R3HCC1L: variants seen among roughly 807,000 people sequenced by gnomAD.
R3HCC1L encodes the protein R3H domain and coiled-coil containing 1 like, also known as coiled-coil domain-containing protein R3HCC1L.
Under a neutral mutation model 59.9 loss-of-function variants are expected in R3HCC1L, and 51 were observed. The ratio of observed to expected loss-of-function variants is 0.85; its 90% CI spans 0.68 to 1.07. The LOEUF is 1.07. Ranked by LOEUF, R3HCC1L falls within the 50% of genes least tolerant of loss-of-function variation. R3HCC1L has a pLI of 0.00. For missense variants in R3HCC1L, 965 were observed against 933.0 expected, an observed-to-expected ratio of 1.03 and a Z score of -0.45; for synonymous variants, 322 against 315.2, an observed-to-expected ratio of 1.02 and a Z score of -0.23.
intron 1 of R3HCC1L, among the ~76,000 whole-genome samples, chr10:98,144,032 G>A (rs1462281902): frequency 6.6e-6 from 1 of 151,870 alleles, no homozygotes; most frequent in African/African-American, 2.4e-5. Context: ...ATAGTGGGTC[G>A]GGGCAGTGGC....
chr10:98,152,167 C>T (rs1468185026), intron 1 of R3HCC1L, among the ~76,000 whole-genome samples: 1 of 152,252 alleles, frequency 6.6e-6, no homozygotes, highest in Non-Finnish European at 1.5e-5. Context: ...GTTGGCCGGG[C>T]TGGTCTCCAG....
chr10:98,139,475 T>G (rs993956841), intron 1 of R3HCC1L, among the ~76,000 whole-genome samples: 1 of 152,236 alleles, frequency 6.6e-6, no homozygotes, highest in African/African-American at 2.4e-5. Flanking sequence ...AGGCTATTCA[T>G]GCCTTGAAAG....
chr10:98,188,264 G>C (rs1009118539), intron 4 of R3HCC1L, among the ~76,000 whole-genome samples: 2 of 152,200 alleles, frequency 1.3e-5, no homozygotes, highest in Admixed American at 6.5e-5. Context: ...TTGCTTTCAA[G>C]GAGTTGTAGG....
intron 5 of R3HCC1L, among the ~76,000 whole-genome samples, chr10:98,212,287 G>T (rs1347630427): frequency 6.6e-6 from 1 of 152,170 alleles, no homozygotes; most frequent in Non-Finnish European, 1.5e-5. Flanking sequence ...CAGAGTGAGT[G>T]CCTGCCTCCC....
At chr10:98,168,229 T>C (rs1308764848) in intron 4 of R3HCC1L, among the ~76,000 whole-genome samples, 1 of 152,224 alleles carries the variant, frequency 6.6e-6, no homozygotes, top group Non-Finnish European at 1.5e-5. Context: ...TTGCCATTGT[T>C]CGGTATATTA....
chr10:98,169,603 C>G (rs142876344), intron 4 of R3HCC1L, among the ~76,000 whole-genome samples: 1 of 152,296 alleles, frequency 6.6e-6, no homozygotes, highest in Middle Eastern at 3.4e-3. Flanking sequence ...CACAATTAGA[C>G]ATGGTTCATC....
At chr10:98,184,850 A>G (rs1382095143) in intron 4 of R3HCC1L, among the ~76,000 whole-genome samples, 1 of 152,132 alleles carries the variant, frequency 6.6e-6, no homozygotes, top group Non-Finnish European at 1.5e-5. Context: ...TAGTAATTAC[A>G]AAATTTTTTA....
chr10:98,208,872 C>G lies in R3HCC1L; in HGVS notation c.758C>G (p.Ser253Ter). 2 of 1,614,128 alleles carry G rather than the reference C, an allele frequency of 1.2e-6. No homozygotes were observed. Among genetic ancestry groups the G allele is most frequent in the Non-Finnish European group, 1.7e-6 (2 of 1,180,004 alleles). ...SEIVQQSMQTSDGILNPSSGG... is the reference protein window; with the variant it reads ...SEIVQQSMQT ...ATTGTACAACAAAGCATGCAAACAT[C>G]AGATGGAATATTGAATCCCAGCAGC... The change falls in exon 5 of 10, where the codon TCA (serine) becomes TGA (stop). Residue 253 changes from serine to a stop codon, truncating the protein, a stop_gained. Coordinates refer to ENST00000298999, the MANE Select transcript of R3HCC1L (RefSeq NM_001351015.2). LOFTEE classifies it high-confidence loss of function.
intron 5 of R3HCC1L, among the ~76,000 whole-genome samples, chr10:98,228,796 A>C (rs1006077971): frequency 1.2e-4 from 18 of 152,188 alleles, no homozygotes; most frequent in Non-Finnish European, 2.2e-4. Flanking sequence ...TCAGCTTTCT[A>C]CATATGGCCA....
intron 1 of R3HCC1L, among the ~76,000 whole-genome samples, chr10:98,146,629 CA>C (rs1845685171): frequency 6.6e-6 from 1 of 152,150 alleles, no homozygotes. Context: ...TATGTTGCTG[CA>C]AATGACAGGA....
chr10:98,151,798 T>C (rs1407870133), intron 1 of R3HCC1L, among the ~76,000 whole-genome samples: 3 of 152,160 alleles, frequency 2.0e-5, no homozygotes, highest in Non-Finnish European at 4.4e-5. Context: ...AAGGCACATA[T>C]GTTAGTGTAG....
chr10:98,164,260 A>G (rs935870513), intron 4 of R3HCC1L, among the ~76,000 whole-genome samples: 3 of 152,236 alleles, frequency 2.0e-5, no homozygotes, highest in African/African-American at 7.2e-5. Flanking sequence ...ACAGTGAGAA[A>G]TAAATGTTGA....
chr10:98,146,526 A>G (rs1011839053), intron 1 of R3HCC1L, among the ~76,000 whole-genome samples: 4 of 152,126 alleles, frequency 2.6e-5, no homozygotes, highest in African/African-American at 7.2e-5. Flanking sequence ...CAAGAGATCC[A>G]CTTTTCAGAT....
At chr10:98,200,524 C>T (rs1851915163) in intron 4 of R3HCC1L, among the ~76,000 whole-genome samples, 1 of 152,052 alleles carries the variant, frequency 6.6e-6, no homozygotes, top group Non-Finnish European at 1.5e-5. Flanking sequence ...GCTCAGTGTG[C>T]CTATAAGTCT....
intron 4 of R3HCC1L, among the ~76,000 whole-genome samples, chr10:98,201,401 A>G (rs1467644): frequency 0.19 from 28,436 of 152,218 alleles, 2,788 homozygotes; most frequent in Middle Eastern, 0.21. Flanking sequence ...TACCTCACTT[A>G]AGACATTTTA....
chr10:98,236,181 G>A lies in R3HCC1L; in HGVS notation c.2269+17G>A, dbSNP rs1050742166. The stretch of plus-strand genomic sequence containing the variant: ...AAGCCAGAGGTGAGCTGAAAGGGTG[G>A]TGTTCTTCTCTAGGCCCTTCAGAAC... On this transcript the variant is annotated intron_variant, in intron 9 of 9. Coordinates refer to ENST00000298999, the MANE Select transcript of R3HCC1L (RefSeq NM_001351015.2). The A allele has an allele frequency of 4.3e-6, 7 of 1,612,718 alleles. No individual in the cohort carries two copies. The highest frequency in any genetic ancestry group is 1.3e-5 in the African/African-American group (1 of 74,840).
intron 4 of R3HCC1L, chr10:98,174,506 G>A: frequency 1.2e-6 from 1 of 830,056 alleles, no homozygotes; most frequent in Non-Finnish European, 1.5e-6. Flanking sequence ...TAGAGTGTGA[G>A]ATGGCATTCA....
At chr10:98,168,031 A>G (rs1848126618) in intron 4 of R3HCC1L, among the ~76,000 whole-genome samples, 1 of 152,184 alleles carries the variant, frequency 6.6e-6, no homozygotes, top group South Asian at 2.1e-4. Context: ...ATGTCAGTTA[A>G]ACCCAGAATA....
chr10:98,171,856 C>T (rs1370296915), intron 4 of R3HCC1L, among the ~76,000 whole-genome samples: 1 of 152,056 alleles, frequency 6.6e-6, no homozygotes, highest in Non-Finnish European at 1.5e-5. Context: ...AGGAAAGGCA[C>T]GGTAGACAAG....
Sources: allele counts gnomAD v4.1 joint callset (sites outside exome capture counted in the v4.1 genomes callset), GRCh38; gene constraint gnomAD v4.1.1; transcripts MANE v1.5; gene names NCBI Gene and HGNC (gene_info 2026-07-23, HGNC 2026-07-21).